The following OR14I1 variants were observed in gnomAD, a reference collection of about 807,000 sequenced individuals.
OR14I1 encodes olfactory receptor family 14 subfamily I member 1.
For synonymous variants in OR14I1, 118 were observed against 71.1 expected, an observed-to-expected ratio of 1.66 and a Z score of -3.32; for missense variants, 279 against 181.8, an observed-to-expected ratio of 1.53 and a Z score of -3.07.
At chr1:248,683,020 T>C (rs888747491), upstream of OR14I1, among the ~76,000 whole-genome samples, 1 of 152,230 alleles carries the variant, frequency 6.6e-6, no homozygotes, top group African/African-American at 2.4e-5. Flanking sequence ...AGGACACACC[T>C]TGGCTCAATT....
At chr1:248,702,666 G>A in the OR14I1 span, among the ~76,000 whole-genome samples, 2 of 152,062 alleles carry the variant, frequency 1.3e-5, no homozygotes, top group Non-Finnish European at 2.9e-5. Context: ...GTCATATGGT[G>A]TACTGCCTCT....
the OR14I1 span, among the ~76,000 whole-genome samples, chr1:248,700,783 T>C: frequency 2.6e-5 from 4 of 152,318 alleles, no homozygotes; most frequent in South Asian, 2.1e-4. Flanking sequence ...TTCATATGCG[T>C]CAGTGCCATA....
At chr1:248,685,283 A>G (rs543142940), upstream of OR14I1, among the ~76,000 whole-genome samples, 1 of 152,314 alleles carries the variant, frequency 6.6e-6, no homozygotes, top group South Asian at 2.1e-4. Flanking sequence ...TTATAATACT[A>G]TTTAACAATG....
chr1:248,680,967 C>CGTGT (rs34495040), downstream of OR14I1, among the ~76,000 whole-genome samples: 6,632 of 147,110 alleles, frequency 0.045, 180 homozygotes, highest in Middle Eastern at 0.066. Flanking sequence ...AAACTGTGTG[C>CGTGT]GTGTGTGTGT....
downstream of OR14I1, among the ~76,000 whole-genome samples, chr1:248,679,816 C>T (rs570925045): frequency 2.6e-5 from 4 of 152,264 alleles, no homozygotes; most frequent in East Asian, 7.7e-4. Flanking sequence ...AAAGTACTTG[C>T]TTATCTAGGA....
chr1:248,681,142 T>C (rs950649666), downstream of OR14I1, among the ~76,000 whole-genome samples: 1 of 152,044 alleles, frequency 6.6e-6, no homozygotes, highest in African/African-American at 2.4e-5. Context: ...CCTTGAAATA[T>C]TTTATGAAGG....
At chr1:248,695,002 TTTAA>T in the OR14I1 span, among the ~76,000 whole-genome samples, 2 of 152,162 alleles carry the variant, frequency 1.3e-5, no homozygotes, top group Non-Finnish European at 2.9e-5. Context: ...TACATTTTAT[TTTAA>T]TTAATTTTAA....
At chr1:248,679,933 G>T (rs1243760192), downstream of OR14I1, among the ~76,000 whole-genome samples, 1 of 152,134 alleles carries the variant, frequency 6.6e-6, no homozygotes, top group Non-Finnish European at 1.5e-5. Flanking sequence ...GTTTTATTAT[G>T]CAATAAAACA....
At chr1:248,680,596 G>A (rs1661540870), downstream of OR14I1, among the ~76,000 whole-genome samples, 1 of 152,168 alleles carries the variant, frequency 6.6e-6, no homozygotes, top group African/African-American at 2.4e-5. Flanking sequence ...AATGACAATG[G>A]CGATGATGAT....
upstream of OR14I1, among the ~76,000 whole-genome samples, chr1:248,684,572 C>T (rs1661612318): frequency 6.6e-6 from 1 of 152,080 alleles, no homozygotes; most frequent in Admixed American, 6.5e-5. Flanking sequence ...GATAACATAC[C>T]CTACTTTATC....
the OR14I1 span, among the ~76,000 whole-genome samples, chr1:248,694,822 GA>G: frequency 6.6e-6 from 1 of 152,172 alleles, no homozygotes; most frequent in Non-Finnish European, 1.5e-5. Context: ...ACCAGAAATA[GA>G]TGAGAATACC....
the OR14I1 span, among the ~76,000 whole-genome samples, chr1:248,690,538 G>A: frequency 5.2e-3 from 622 of 120,222 alleles, 6 homozygotes; most frequent in South Asian, 0.015. Context: ...GGAAGAAGTC[G>A]AATCCCTCAA....
the OR14I1 span, among the ~76,000 whole-genome samples, chr1:248,690,621 A>C: frequency 2.7e-5 from 1 of 37,488 alleles, no homozygotes; most frequent in East Asian, 7.8e-4. Flanking sequence ...AAAAAAAAAA[A>C]AAGCCCAGGA....
downstream of OR14I1, among the ~76,000 whole-genome samples, chr1:248,679,493 T>TA (rs1450767940): frequency 6.6e-6 from 1 of 152,094 alleles, no homozygotes; most frequent in Non-Finnish European, 1.5e-5. Flanking sequence ...TACTTAATAT[T>TA]AAAAGGGATT....
chr1:248,682,090 A>T (rs746493067), exon 1 of OR14I1: 1 of 781,108 alleles, frequency 1.3e-6, no homozygotes, highest in Non-Finnish European at 2.4e-6. Flanking sequence ...AGTGACTGAG[A>T]TGTAGCACAG....
At chr1:248,693,650 T>G in the OR14I1 span, among the ~76,000 whole-genome samples, 54 of 152,258 alleles carry the variant, frequency 3.5e-4, no homozygotes, top group Non-Finnish European at 5.0e-4. Context: ...ATGTGGAAGT[T>G]TATCTTGGAG....
chr1:248,680,920 T>C (rs1179104672), downstream of OR14I1, among the ~76,000 whole-genome samples: 1 of 151,942 alleles, frequency 6.6e-6, no homozygotes, highest in Non-Finnish European at 1.5e-5. Flanking sequence ...CTGCTTGTTT[T>C]ATGTTCTTTT....
the OR14I1 span, among the ~76,000 whole-genome samples, chr1:248,695,336 T>A: frequency 1.3e-5 from 2 of 150,350 alleles, no homozygotes; most frequent in Non-Finnish European, 3.0e-5. Context: ...CAGGTTCACG[T>A]CATTCTCCTG....
upstream of OR14I1, among the ~76,000 whole-genome samples, chr1:248,682,991 C>G (rs1188924934): frequency 1.3e-5 from 2 of 151,996 alleles, no homozygotes; most frequent in Admixed American, 1.3e-4. Context: ...TTCTCTGTGC[C>G]CGATGCTATT....
Sources: gnomAD v4.1 joint callset for allele counts (sites outside exome capture counted in the v4.1 genomes callset) on GRCh38, gnomAD v4.1.1 for gene constraint, MANE v1.5 for transcripts, NCBI Gene and HGNC (gene_info 2026-07-23, HGNC 2026-07-21) for gene names.